Variants in NHLRC2 observed in about 807,000 individuals in gnomAD.
The protein encoded by NHLRC2 is NHL repeat-containing protein 2.
NHLRC2 carries 33 observed loss-of-function variants against 68.1 expected under a neutral mutation model. The ratio of observed to expected loss-of-function variants is 0.48; its 90% CI spans 0.37 to 0.65. The LOEUF (loss-of-function observed/expected upper bound fraction) is 0.65. Ranked by LOEUF, NHLRC2 falls within the 30% of genes least tolerant of loss-of-function variation. The probability of loss-of-function intolerance (pLI) is 0.00; values close to 1 mark genes in which losing one functional copy is unlikely to be tolerated. For missense variants in NHLRC2, 761 were observed against 853.8 expected, an observed-to-expected ratio of 0.89 and a Z score of 1.35; for synonymous variants, 311 against 309.6, an observed-to-expected ratio of 1.00 and a Z score of -0.05.
At chr10:113,899,778 C>T (rs552921814) in intron 6 of NHLRC2, among the ~76,000 whole-genome samples, 3 of 152,088 alleles carry the variant, frequency 2.0e-5, no homozygotes, top group African/African-American at 4.8e-5. Context: ...GTTAGCTGGG[C>T]GTGGTGGCGC....
At chr10:113,871,381 A>G (rs1845923687) in intron 2 of NHLRC2, among the ~76,000 whole-genome samples, 2 of 152,076 alleles carry the variant, frequency 1.3e-5, no homozygotes, top group African/African-American at 2.4e-5. Context: ...TTTTCTTGAT[A>G]TACTGTTATA....
chr10:113,871,851 A>G (rs1394796873), intron 2 of NHLRC2, among the ~76,000 whole-genome samples: 1 of 152,210 alleles, frequency 6.6e-6, no homozygotes, highest in African/African-American at 2.4e-5. Flanking sequence ...ACTAGGAGAC[A>G]GAGAATATCA....
At position 113,876,795 on chromosome 10, in the gene NHLRC2, G is replaced by A. The variant is rs201551792; in HGVS notation, c.606G>A (p.Gly202=). The A allele has an allele frequency of 4.5e-5, 73 of 1,611,908 alleles. No homozygotes were observed. In the East Asian group the frequency reaches 1.5e-3, roughly 33 times the overall value. ...SIALKYYKDR[G]QIRDNKIGIK... ...CTTTAAAGTATTACAAAGACAGGGGGCAGATCAGAGATAATAAAATTGGAA... is the reference window on the plus strand; with the variant it reads ...CTTTAAAGTATTACAAAGACAGGGGACAGATCAGAGATAATAAAATTGGAA... The change falls in exon 3 of 11, where the codon GGG becomes GGA. Residue 202 remains glycine (G), a synonymous_variant. Transcript: ENST00000369301.
intron 3 of NHLRC2, among the ~76,000 whole-genome samples, chr10:113,878,966 A>G (rs2134709886): frequency 6.6e-6 from 1 of 152,310 alleles, no homozygotes; most frequent in South Asian, 2.1e-4. Context: ...TAATAGTTAC[A>G]TTTTATTGTG....
intron 2 of NHLRC2, among the ~76,000 whole-genome samples, chr10:113,870,586 T>C (rs569675440): frequency 1.4e-4 from 22 of 152,348 alleles, no homozygotes; most frequent in Admixed American, 1.1e-3. Context: ...TTAGCAATTA[T>C]AAGCAATAAA....
chr10:113,877,649 TATCTA>T (rs1845996778), intron 3 of NHLRC2, among the ~76,000 whole-genome samples: 1 of 152,178 alleles, frequency 6.6e-6, no homozygotes, highest in Non-Finnish European at 1.5e-5. Context: ...TAATCTTTCT[TATCTA>T]AACTGAGCTG....
intron 1 of NHLRC2, among the ~76,000 whole-genome samples, chr10:113,855,425 C>T (rs891500108): frequency 1.3e-5 from 2 of 152,168 alleles, no homozygotes; most frequent in Non-Finnish European, 2.9e-5. Flanking sequence ...TCTGCATCAT[C>T]TTGACATTTA....
intron 7 of NHLRC2, among the ~76,000 whole-genome samples, chr10:113,902,184 T>A (rs1214312358): frequency 6.6e-6 from 1 of 152,140 alleles, no homozygotes; most frequent in Non-Finnish European, 1.5e-5. Flanking sequence ...AATTAGATAT[T>A]GGGCAGTGGG....
rs202041869 is a variant in NHLRC2 at position 113,901,937 on chromosome 10, A to T, written c.1371+40A>T. ...TCTTGCACAGTGCGCTCGGACACTG[A>T]GCAAGCTGTCAATTTTGTGAATTAT... On this transcript the variant is annotated intron_variant, in intron 7 of 10. Transcript: ENST00000369301. The T allele has an allele frequency of 3.2e-5, 43 of 1,323,426 alleles. No homozygotes were observed. The Admixed American group carries it at 7.8e-4, about 24-fold the overall frequency. The allele number at this position is 1,323,426 out of a possible 1,614,324, so 82.0% of individuals were successfully genotyped here.
chr10:113,869,106 T>A (rs769552285), intron 2 of NHLRC2, among the ~76,000 whole-genome samples: 2 of 152,234 alleles, frequency 1.3e-5, no homozygotes, highest in Non-Finnish European at 2.9e-5. Context: ...AACTACTTGG[T>A]GGGCAAGAAT....
At chr10:113,889,903 T>C (rs1846116378) in intron 5 of NHLRC2, among the ~76,000 whole-genome samples, 1 of 152,256 alleles carries the variant, frequency 6.6e-6, no homozygotes, top group African/African-American at 2.4e-5. Context: ...GTTCGTTGTA[T>C]GGCTCTACCA....
At chr10:113,899,019 A>G (rs1325820640) in intron 6 of NHLRC2, among the ~76,000 whole-genome samples, 2 of 151,998 alleles carry the variant, frequency 1.3e-5, no homozygotes, top group Non-Finnish European at 2.9e-5. Flanking sequence ...CTCTTCCCCC[A>G]ATACCCCAGG....
chr10:113,887,017 A>G (rs557586065), intron 5 of NHLRC2, among the ~76,000 whole-genome samples: 2 of 152,332 alleles, frequency 1.3e-5, no homozygotes, highest in African/African-American at 4.8e-5. Flanking sequence ...ACTCAACTCA[A>G]TATCAAGAAA....
Position 113,916,862 on chromosome 10 carries a change from T to C in NHLRC2, c.*8326T>C, listed in dbSNP as rs1331833397. Reference sequence around the variant, plus strand: ...AAATCCAATCTACAAGTTCATATATTGGTATTTCTAGACATAGTCTAGTTC... The same window carrying C: ...AAATCCAATCTACAAGTTCATATATCGGTATTTCTAGACATAGTCTAGTTC... On this transcript the variant is annotated 3_prime_UTR_variant, in exon 11 of 11. Coordinates refer to ENST00000369301, the MANE Select transcript of NHLRC2 (RefSeq NM_198514.4). 4 of 152,210 alleles carry C rather than the reference T, an allele frequency of 2.6e-5. No homozygotes were observed. Among genetic ancestry groups the C allele is most frequent in the Non-Finnish European group, 5.9e-5 (4 of 68,030 alleles). The allele number at this position is 152,210 out of a possible 1,614,324, so 9.4% of individuals were successfully genotyped here.
At chr10:113,901,074 G>T (rs147130815) in intron 6 of NHLRC2, among the ~76,000 whole-genome samples, 1 of 151,932 alleles carries the variant, frequency 6.6e-6, no homozygotes, top group Non-Finnish European at 1.5e-5. Context: ...TTGTACAATC[G>T]ATATAATTGT....
chr10:113,878,427 C>T (rs1057043424), intron 3 of NHLRC2, among the ~76,000 whole-genome samples: 1 of 152,182 alleles, frequency 6.6e-6, no homozygotes, highest in Non-Finnish European at 1.5e-5. Flanking sequence ...GTAATTAGTT[C>T]CATTTTACAG....
chr10:113,898,603 A>G (rs762004352), intron 6 of NHLRC2, among the ~76,000 whole-genome samples: 1 of 152,248 alleles, frequency 6.6e-6, no homozygotes, highest in Non-Finnish European at 1.5e-5. Context: ...TGGAACCTGC[A>G]AAGAATCATT....
rs1313483951 is a variant in NHLRC2, at chr10:113,876,774, A to G, written c.585A>G (p.Leu195=). Residue 195 remains leucine, a synonymous_variant, in exon 3 of 11, where the codon TTA becomes TTG. Coordinates refer to ENST00000369301, the MANE Select transcript of NHLRC2 (RefSeq NM_198514.4). ...DKLFLYTSIA[L]KYYKDRGQIR... is the part of the protein sequence containing the mutation. ...TATTTTTATATACTTCAATTGCTTTAAAGTATTACAAAGACAGGGGGCAGA... is the reference window on the plus strand; with the variant it reads ...TATTTTTATATACTTCAATTGCTTTGAAGTATTACAAAGACAGGGGGCAGA... 6.2e-7 allele frequency: 1 copy of G among 1,607,388 alleles called. No homozygotes were observed.
At position 113,865,748 on chromosome 10, in the gene NHLRC2, A is replaced by G. The variant is rs891520341; in HGVS notation, c.331+7068A>G. On this transcript the variant is annotated intron_variant, in intron 2 of 10. Transcript: ENST00000369301. ...AGAAACATTGCTTCTGTAATATGCTACTATGTGAAAATCCTGATAACTTAA... is the reference window on the plus strand; with the variant it reads ...AGAAACATTGCTTCTGTAATATGCTGCTATGTGAAAATCCTGATAACTTAA... 2.5e-4 allele frequency among the ~76,000 whole-genome samples: 38 copies of G among 152,156 alleles called. 1 individual carries two copies. Among genetic ancestry groups the G allele is most frequent in the Admixed American group, 2.5e-3 (38 of 15,278 alleles).
Sources: gnomAD v4.1 joint callset for allele counts (sites outside exome capture counted in the v4.1 genomes callset) on GRCh38, gnomAD v4.1.1 for gene constraint, MANE v1.5 for transcripts, NCBI Gene and HGNC (gene_info 2026-07-23, HGNC 2026-07-21) for gene names.